ASPH: variants seen among roughly 807,000 people sequenced by gnomAD.
ASPH encodes aspartyl/asparaginyl beta-hydroxylase.
A neutral mutation model predicts 118.4 loss-of-function variants in ASPH; 100 were observed. The ratio of observed to expected loss-of-function variants is 0.84; its 90% CI spans 0.72 to 1.00. The LOEUF is 1.00. ASPH is among the 50% of genes least tolerant of loss of function. ASPH has a pLI of 0.00. For missense variants in ASPH, 920 were observed against 919.5 expected, an observed-to-expected ratio of 1.00 and a Z score of -0.01; for synonymous variants, 315 against 325.6, an observed-to-expected ratio of 0.97 and a Z score of 0.35.
chr8:61,523,612 G>A lies in ASPH; in HGVS notation c.1900+2365C>T, dbSNP rs1028558522. ...GATTACAGTCATGAGCCACCACACC[G>A]AGCCCCAAATTTATTCTTTAAACTA... On this transcript the variant is annotated intron_variant, in intron 22 of 24. Coordinates refer to ENST00000379454, the MANE Select transcript of ASPH (RefSeq NM_004318.4). Among the ~76,000 whole-genome samples the A allele has an allele frequency of 4.0e-5, 6 of 151,694 alleles. No individual in the cohort carries two copies. The South Asian group carries it at 8.3e-4, about 21-fold the overall frequency.
chr8:61,679,409 A>T (rs1000273279), intron 3 of ASPH, among the ~76,000 whole-genome samples: 1 of 152,132 alleles, frequency 6.6e-6, no homozygotes, highest in Non-Finnish European at 1.5e-5. Flanking sequence ...TAAAAAACTT[A>T]AAGGGGATGA....
At chr8:61,591,836 C>T (rs895294067) in intron 14 of ASPH, among the ~76,000 whole-genome samples, 4 of 151,974 alleles carry the variant, frequency 2.6e-5, no homozygotes, top group Non-Finnish European at 5.9e-5. Flanking sequence ...GCTCAGAAGT[C>T]AAGAAATTAG....
chr8:61,711,155 T>G (rs1837970776), intron 1 of ASPH, among the ~76,000 whole-genome samples: 1 of 152,056 alleles, frequency 6.6e-6, no homozygotes, highest in Non-Finnish European at 1.5e-5. Flanking sequence ...CAGTGACACC[T>G]AGTGGCAAAA....
intron 13 of ASPH, chr8:61,624,232 G>A: frequency 3.0e-6 from 3 of 985,142 alleles, no homozygotes; most frequent in Non-Finnish European, 3.6e-6. Context: ...TTAAAAATTT[G>A]GGGAAAAAAG....
At chr8:61,630,812 TAAAAA>T (rs1217167166) in intron 13 of ASPH, among the ~76,000 whole-genome samples, 1 of 152,056 alleles carries the variant, frequency 6.6e-6, no homozygotes, top group East Asian at 1.9e-4. Flanking sequence ...TCTTACTTGT[TAAAAA>T]AAAGTTTACT....
intron 21 of ASPH, among the ~76,000 whole-genome samples, chr8:61,537,690 C>T (rs1820154046): frequency 6.6e-6 from 1 of 152,174 alleles, no homozygotes; most frequent in African/African-American, 2.4e-5. Flanking sequence ...TGAGACAAAT[C>T]ATGACCTACT....
At chr8:61,626,022 G>T (rs1852638712) in intron 13 of ASPH, 1 of 1,218,398 alleles carries the variant, frequency 8.2e-7, no homozygotes, top group Admixed American at 4.3e-5. Flanking sequence ...AAATCCAATG[G>T]ATCCACTAAT....
chr8:61,530,884 T>A (rs1817327179), intron 21 of ASPH, among the ~76,000 whole-genome samples: 1 of 152,226 alleles, frequency 6.6e-6, no homozygotes, highest in Non-Finnish European at 1.5e-5. Context: ...TATTCTTGAT[T>A]TATTAATTTG....
chr8:61,689,600 C>T, intron 1 of ASPH: 1 of 1,413,612 alleles, frequency 7.1e-7, no homozygotes, highest in Admixed American at 2.0e-5. Flanking sequence ...TTTAACAGAG[C>T]ACCACTGAAA....
chr8:61,709,349 G>T (rs1409258264), intron 1 of ASPH, among the ~76,000 whole-genome samples: 1 of 152,130 alleles, frequency 6.6e-6, no homozygotes, highest in East Asian at 1.9e-4. Context: ...TTAAAAAAAA[G>T]TTAAAGCACT....
At chr8:61,683,998 T>C (rs372702218) in intron 2 of ASPH, 41 bp downstream of exon 2, 1 of 1,592,614 alleles carries the variant, frequency 6.3e-7, no homozygotes, top group Non-Finnish European at 8.6e-7. Flanking sequence ...AGATGTCACT[T>C]ACTCTCTTAC....
chr8:61,557,296 G>A (rs1828219412), intron 18 of ASPH, among the ~76,000 whole-genome samples: 1 of 152,070 alleles, frequency 6.6e-6, no homozygotes, highest in Non-Finnish European at 1.5e-5. Context: ...TCCCTTGGCT[G>A]GGCCTCTCCA....
At chr8:61,638,455 G>T in intron 10 of ASPH, 92 bp from the exon 11 acceptor site, 1 of 1,119,538 alleles carries the variant, frequency 8.9e-7, no homozygotes, top group Non-Finnish European at 1.3e-6. Context: ...AATGCCTTAT[G>T]CATCTTTGAA....
intron 21 of ASPH, among the ~76,000 whole-genome samples, chr8:61,538,802 C>T (rs1037443299): frequency 2.6e-4 from 40 of 152,162 alleles, no homozygotes; most frequent in African/African-American, 9.7e-4. Flanking sequence ...ATATATGATG[C>T]TATTTTGGAT....
At chr8:61,579,539 C>A in intron 15 of ASPH, 1 of 1,545,646 alleles carries the variant, frequency 6.5e-7, no homozygotes, top group East Asian at 2.2e-5. Flanking sequence ...ACGGCCTGGG[C>A]TCCAGCTTTG....
chr8:61,710,603 T>C (rs10107157), intron 1 of ASPH, among the ~76,000 whole-genome samples: 7,240 of 152,256 alleles, frequency 0.048, 249 homozygotes, highest in African/African-American at 0.095. Context: ...TTCATATGAT[T>C]TGGTCAGGAT....
intron 3 of ASPH, chr8:61,663,470 A>G (rs1386021496): frequency 1.1e-5 from 11 of 985,282 alleles, no homozygotes; most frequent in Admixed American, 6.1e-5. Flanking sequence ...TCCAAATAGA[A>G]TAACTCAGGC....
chr8:61,619,977 C>T (rs143678383), intron 13 of ASPH, among the ~76,000 whole-genome samples: 8 of 152,248 alleles, frequency 5.3e-5, no homozygotes, highest in Admixed American at 3.3e-4. Context: ...ATCAGGGATG[C>T]GGTCAAGTGA....
chr8:61,671,132 G>A (rs953961763), intron 3 of ASPH, among the ~76,000 whole-genome samples: 1 of 152,162 alleles, frequency 6.6e-6, no homozygotes. Flanking sequence ...ATATTAGTTT[G>A]CGGGCATTAG....
Sources: gnomAD v4.1 joint callset for allele counts (sites outside exome capture counted in the v4.1 genomes callset) on GRCh38, gnomAD v4.1.1 for gene constraint, MANE v1.5 for transcripts, NCBI Gene and HGNC (gene_info 2026-07-23, HGNC 2026-07-21) for gene names.